The following VPS35 variants were observed in gnomAD, a reference collection of about 807,000 sequenced individuals.
VPS35 encodes VPS35 retromer complex component, also known as vacuolar protein sorting-associated protein 35.
A neutral mutation model predicts 98.1 loss-of-function variants in VPS35; 21 were observed. The ratio of observed to expected loss-of-function variants is 0.21; its 90% CI spans 0.15 to 0.31. The LOEUF is 0.31. Ranked by LOEUF, VPS35 falls within the 10% of genes least tolerant of loss-of-function variation. The pLI, the probability that VPS35 is intolerant of heterozygous loss-of-function variation, is 1.00. For synonymous variants in VPS35, 268 were observed against 318.2 expected (o/e 0.84, Z 1.68); for missense variants, 554 against 950.8 (o/e 0.58, Z 5.49).
At position 46,660,126 on chromosome 16, in the gene VPS35, C is replaced by T. The variant is rs545755034; in HGVS notation, c.*346G>A. The T allele has an allele frequency of 5.5e-4, 107 of 193,658 alleles. 1 individual carries two copies. Among genetic ancestry groups the T allele is most frequent in the Admixed American group, 1.1e-3 (19 of 16,988 alleles). 12.0% of individuals were successfully genotyped at this position (193,658 alleles called of 1,614,324 possible). The stretch of plus-strand genomic sequence containing the variant: ...AGAAAATACACAATCAACAATGAAG[C>T]AAACAAACAAACAAAAAAAAGGAGA... On this transcript the variant is annotated 3_prime_UTR_variant, in exon 17 of 17. Transcript: ENST00000299138.
At chr16:46,676,524 G>GT (rs2143008099) in intron 8 of VPS35, 59 bp downstream of exon 8, 3 of 1,057,530 alleles carry the variant, frequency 2.8e-6, no homozygotes, top group African/African-American at 3.1e-5. Flanking sequence ...TCAAAAAAAT[G>GT]TTTAAAATTC....
Position 46,656,677 on chromosome 16 carries a change from T to C in VPS35, c.*3795A>G, listed in dbSNP as rs1965846847. 1 of 152,202 alleles carries C rather than the reference T, an allele frequency of 6.6e-6. No homozygotes were observed. The highest frequency in any genetic ancestry group is 1.5e-5 in the Non-Finnish European group (1 of 68,044). 9.4% of individuals were successfully genotyped at this position (152,202 alleles called of 1,614,324 possible). A position where few individuals can be genotyped will look rare whatever the true frequency, so the allele number is the denominator to read the frequency against. ...TAAGATTTTACTTATTTGAAGACACTACTGATGCAAGCCTGAACACAGCAA... is the reference window on the plus strand; with the variant it reads ...TAAGATTTTACTTATTTGAAGACACCACTGATGCAAGCCTGAACACAGCAA... On this transcript the variant is annotated 3_prime_UTR_variant, in exon 17 of 17. Transcript: ENST00000299138.
Position 46,662,488 on chromosome 16 carries a change from G to T in VPS35, c.1828-6C>A. The T allele has an allele frequency of 6.2e-7, 1 of 1,613,502 alleles. No individual in the cohort carries two copies. The highest frequency in any genetic ancestry group is 1.1e-5 in the South Asian group (1 of 91,002). On this transcript the variant is annotated splice_polypyrimidine_tract_variant and splice_region_variant and intron_variant, in intron 14 of 16. Transcript: ENST00000299138. ...TCTTCATACAGAGAAAATGCCTAGT[G>T]AACATAAAGCAGAAAGGACTTTCAA...
At chr16:46,681,936 T>C (rs1374278636) in intron 3 of VPS35, 143 bp downstream of exon 3, 1 of 672,042 alleles carries the variant, frequency 1.5e-6, no homozygotes, top group Non-Finnish European at 2.7e-6. Flanking sequence ...ACTTAGCACA[T>C]CTGCATGGAG....
At position 46,672,279 on chromosome 16, in the gene VPS35, C is replaced by G; in HGVS notation, c.1354G>C (p.Val452Leu). 2 of 1,613,650 alleles carry G rather than the reference C, an allele frequency of 1.2e-6. No homozygotes were observed. The highest frequency in any genetic ancestry group is 1.7e-6 in the Non-Finnish European group (2 of 1,179,782). Residue 452 changes from valine (V) to leucine (L), a missense_variant, in exon 11 of 17, where the codon GTC becomes CTC. Transcript: ENST00000299138. ...SNVLDYNTEI[V>L]SQDQVDSIMN... ...TATTCTCTTACCTGGTCTTGAGAGACAATTTCTGTGTTATAATCCAGAACA... is the reference window on the plus strand; with the variant it reads ...TATTCTCTTACCTGGTCTTGAGAGAGAATTTCTGTGTTATAATCCAGAACA...
At position 46,661,741 on chromosome 16, in the gene VPS35, A is replaced by G; in HGVS notation, c.2188T>C (p.Phe730Leu). 1.2e-6 allele frequency: 2 copies of G among 1,611,494 alleles called. No individual in the cohort carries two copies. The highest frequency in any genetic ancestry group is 8.5e-7 in the Non-Finnish European group (1 of 1,177,678). ...FIEILNRYIYFYEKENDAVTI... is the reference protein window; with the variant it reads ...FIEILNRYIYLYEKENDAVTI... ...ACCGCATCATTTTCCTTTTCATAAA[A>G]ATAGATATATCTGTTCAGAATTTCT... The change falls in exon 16 of 17, where the codon TTT becomes CTT. Residue 730 changes from phenylalanine (F) to leucine (L), a missense_variant. By Grantham distance (22) the Phe-to-Leu change is conservative (BLOSUM62 0). This residue lies in a region of VPS35 where 153 missense variants were observed against 211.0 expected (regional missense o/e 0.73). Transcript: ENST00000299138. This position sits in a 1 kb window ranked among gnomAD's most constrained non-coding sequence, Gnocchi z 4.3.
At position 46,662,620 on chromosome 16, in the gene VPS35, G is replaced by C. The variant is rs572702595; in HGVS notation, c.1828-138C>G. ...ATCAGAACATGCTGCACCCTCTCTT[G>C]AGAGCCACAGGACACAACTGAGATG... On this transcript the variant is annotated intron_variant, in intron 14 of 16. Coordinates refer to ENST00000299138, the MANE Select transcript of VPS35 (RefSeq NM_018206.6). The C allele has an allele frequency of 5.9e-6, 8 of 1,360,740 alleles. No individual in the cohort carries two copies. In the South Asian group the frequency reaches 9.4e-5, roughly 16 times the overall value. 84.3% of individuals were successfully genotyped at this position (1,360,740 alleles called of 1,614,324 possible).
chr16:46,665,211 G>A (rs1965970588), intron 13 of VPS35, among the ~76,000 whole-genome samples: 1 of 152,200 alleles, frequency 6.6e-6, no homozygotes, highest in Non-Finnish European at 1.5e-5. Context: ...AAGGTTCGCT[G>A]TTGTAATTAC....
chr16:46,683,216 G>A (rs1331764322), intron 2 of VPS35: 1 of 449,872 alleles, frequency 2.2e-6, no homozygotes, highest in Non-Finnish European at 4.1e-6. Context: ...GTCAGACACT[G>A]GTGTGGTAAT....
At chr16:46,660,940 G>A (rs1965905269) in intron 16 of VPS35, 3 of 428,084 alleles carry the variant, frequency 7.0e-6, no homozygotes, top group Non-Finnish European at 1.3e-5. Context: ...GAAGTCAGGA[G>A]TTTTGAGACC....
intron 13 of VPS35, among the ~76,000 whole-genome samples, chr16:46,663,457 C>G (rs762427988): frequency 6.6e-6 from 1 of 152,116 alleles, no homozygotes; most frequent in Non-Finnish European, 1.5e-5. Context: ...TCTTGGCTCA[C>G]TGCAACCTCC....
intron 5 of VPS35, 74 bp downstream of exon 5, chr16:46,680,597 A>T (rs952872976): frequency 2.0e-6 from 3 of 1,480,180 alleles, no homozygotes; most frequent in Non-Finnish European, 2.8e-6. Flanking sequence ...TTGTTTCTGT[A>T]TATGTTTCCA....
chr16:46,669,722 C>T (rs1029499110), intron 12 of VPS35, among the ~76,000 whole-genome samples: 34 of 151,560 alleles, frequency 2.2e-4, no homozygotes, highest in Admixed American at 2.1e-3. Flanking sequence ...TGAAGATACT[C>T]AGAGACTCAC....
In VPS35 at chr16:46,669,055, G is replaced by A; in HGVS notation, c.1525-3C>T. The A allele has an allele frequency of 6.2e-7, 1 of 1,613,824 alleles. No homozygotes were observed. Among genetic ancestry groups the A allele is most frequent in the Non-Finnish European group, 8.5e-7 (1 of 1,179,944 alleles). ...TGTTTTCGTGCTGTGTTCAAAATCT[G>A]ACCCAAAAGCATTAAAGAAAAAAAA... On this transcript the variant is annotated splice_region_variant and splice_polypyrimidine_tract_variant and intron_variant, in intron 12 of 16. Coordinates refer to ENST00000299138, the MANE Select transcript of VPS35 (RefSeq NM_018206.6).
chr16:46,673,979 G>T, intron 10 of VPS35: 2 of 281,864 alleles, frequency 7.1e-6, no homozygotes, highest in East Asian at 8.6e-5. Context: ...TATTGTTAGT[G>T]TTAGTGTATT....
chr16:46,681,952 G>A (rs1453091083), intron 3 of VPS35, 127 bp downstream of exon 3: 9 of 712,018 alleles, frequency 1.3e-5, no homozygotes, highest in Non-Finnish European at 2.3e-5. Flanking sequence ...TGGAGAAGGA[G>A]TGCCATGTGA....
intron 4 of VPS35, 62 bp downstream of exon 4, chr16:46,681,314 TA>T: frequency 6.2e-7 from 1 of 1,606,642 alleles, no homozygotes; most frequent in Non-Finnish European, 8.5e-7. Flanking sequence ...CTGATAATCA[TA>T]AAAGACGTAA....
chr16:46,659,803 A>G lies in VPS35; in HGVS notation c.*669T>C, dbSNP rs1045140300. 1.3e-5 allele frequency: 2 copies of G among 152,234 alleles called. No homozygotes were observed. The highest frequency in any genetic ancestry group is 4.8e-5 in the African/African-American group (2 of 41,466). The allele number at this position is 152,234 out of a possible 1,614,324, so 9.4% of individuals were successfully genotyped here. A position where few individuals can be genotyped will look rare whatever the true frequency, so the allele number is the denominator to read the frequency against. On this transcript the variant is annotated 3_prime_UTR_variant, in exon 17 of 17. Transcript: ENST00000299138. ...TAGATCACAAGTTTTCTTTTATACTATTTAAAACCCAATTATATTGATAAA... is the reference window on the plus strand; with the variant it reads ...TAGATCACAAGTTTTCTTTTATACTGTTTAAAACCCAATTATATTGATAAA...
rs762973568 is a variant in VPS35, at chr16:46,671,869, T to C, written c.1369-9A>G. 46 of 1,611,960 alleles carry C rather than the reference T, an allele frequency of 2.9e-5. No individual in the cohort carries two copies. The highest frequency in any genetic ancestry group is 3.8e-5 in the Non-Finnish European group (45 of 1,179,910). ...TTCATTATGGAATCCACCTGTAACATGCGAGGCACAAGAAACCCACTGAGG... is the reference window on the plus strand; with the variant it reads ...TTCATTATGGAATCCACCTGTAACACGCGAGGCACAAGAAACCCACTGAGG... On this transcript the variant is annotated splice_polypyrimidine_tract_variant and intron_variant, in intron 11 of 16. Transcript: ENST00000299138.
Sources: gnomAD v4.1 joint callset for allele counts (sites outside exome capture counted in the v4.1 genomes callset) on GRCh38, gnomAD v4.1.1 for gene constraint, gnomAD v4.1.1 regional missense constraint, Gnocchi (gnomAD v3.1) non-coding constraint, MANE v1.5 for transcripts, NCBI Gene and HGNC (gene_info 2026-07-23, HGNC 2026-07-21) for gene names.